Variants in SGCZ observed in about 807,000 individuals in gnomAD.
SGCZ encodes the protein sarcoglycan zeta.
A neutral mutation model predicts 41.3 loss-of-function variants in SGCZ; 40 were observed. That is an observed-to-expected ratio of 0.97 (90% confidence interval 0.75 to 1.26). The LOEUF is 1.26. Ranked by LOEUF, SGCZ falls within the 50% of genes most tolerant of loss-of-function variation. The pLI is 0.00. For synonymous variants in SGCZ, 206 were observed against 137.5 expected, an observed-to-expected ratio of 1.50 and a Z score of -3.49; for missense variants, 552 against 369.8, an observed-to-expected ratio of 1.49 and a Z score of -4.04.
At chr8:14,316,954 C>T (rs887326127) in intron 3 of SGCZ, among the ~76,000 whole-genome samples, 2 of 151,842 alleles carry the variant, frequency 1.3e-5, no homozygotes, top group Non-Finnish European at 2.9e-5. Flanking sequence ...CTAACCTACC[C>T]CCACCCCTAC....
chr8:14,806,511 C>T (rs561435860), intron 1 of SGCZ, among the ~76,000 whole-genome samples: 1 of 152,168 alleles, frequency 6.6e-6, no homozygotes. Context: ...GACACATACA[C>T]TTTCCCAAGA....
chr8:14,231,924 C>G (rs1010808165), intron 4 of SGCZ, among the ~76,000 whole-genome samples: 4 of 151,840 alleles, frequency 2.6e-5, no homozygotes, highest in African/African-American at 4.8e-5. Flanking sequence ...GATAGAGATG[C>G]CTTCTTATGA....
chr8:14,378,342 G>T (rs182075294), intron 2 of SGCZ, among the ~76,000 whole-genome samples: 1 of 152,014 alleles, frequency 6.6e-6, no homozygotes, highest in African/African-American at 2.4e-5. Context: ...GAAAACCTAG[G>T]CAATACCATT....
chr8:14,383,047 C>T (rs1476274234), intron 2 of SGCZ, among the ~76,000 whole-genome samples: 1 of 152,154 alleles, frequency 6.6e-6, no homozygotes, highest in Non-Finnish European at 1.5e-5. Flanking sequence ...AGAGATACAG[C>T]TCATGTTTTG....
intron 5 of SGCZ, among the ~76,000 whole-genome samples, chr8:14,127,613 A>C (rs750565767): frequency 2.0e-5 from 3 of 151,668 alleles, no homozygotes; most frequent in Admixed American, 6.6e-5. Flanking sequence ...CCACTACCAC[A>C]CCAGGCTAAT....
intron 1 of SGCZ, among the ~76,000 whole-genome samples, chr8:15,028,895 G>T (rs1160901184): frequency 1.3e-5 from 2 of 151,996 alleles, no homozygotes; most frequent in African/African-American, 4.8e-5. Context: ...ATATATTCAA[G>T]ATAATTTAAA....
At chr8:14,094,139 T>A (rs1009261496) in intron 7 of SGCZ, among the ~76,000 whole-genome samples, 4 of 152,126 alleles carry the variant, frequency 2.6e-5, no homozygotes, top group Admixed American at 2.0e-4. Flanking sequence ...AACCCTTTTT[T>A]TAAAAAGATT....
chr8:14,888,021 G>C (rs866145825), intron 1 of SGCZ, among the ~76,000 whole-genome samples: 25 of 152,110 alleles, frequency 1.6e-4, no homozygotes, highest in Admixed American at 1.3e-4. Context: ...GTGTTGATTA[G>C]CTTAATTCAG....
chr8:14,859,488 A>G (rs1443031404), intron 1 of SGCZ, among the ~76,000 whole-genome samples: 1 of 152,042 alleles, frequency 6.6e-6, no homozygotes, highest in African/African-American at 2.4e-5. Flanking sequence ...GACACATTGG[A>G]CTCTTCTTTG....
chr8:14,424,894 A>G (rs901645606), intron 2 of SGCZ, among the ~76,000 whole-genome samples: 3 of 152,198 alleles, frequency 2.0e-5, no homozygotes, highest in Non-Finnish European at 4.4e-5. Flanking sequence ...CAATTTTAGT[A>G]TTAATATGTA....
intron 4 of SGCZ, among the ~76,000 whole-genome samples, chr8:14,228,553 G>C (rs1806453138): frequency 6.6e-6 from 1 of 152,006 alleles, no homozygotes; most frequent in Admixed American, 6.6e-5. Context: ...TCTGCTTAGT[G>C]ATTTCTGCAG....
intron 2 of SGCZ, among the ~76,000 whole-genome samples, chr8:14,363,828 A>G (rs1330093036): frequency 2.6e-5 from 4 of 152,154 alleles, no homozygotes; most frequent in African/African-American, 9.6e-5. Flanking sequence ...CATAAATCAC[A>G]TTTTTCCAAC....
chr8:14,087,267 G>C lies in SGCZ; in HGVS notation c.*3176C>G, dbSNP rs756942696. 2.0e-5 allele frequency among the ~76,000 whole-genome samples: 3 copies of C among 150,892 alleles called. No individual in the cohort carries two copies. Among genetic ancestry groups the C allele is most frequent in the Non-Finnish European group, 4.5e-5 (3 of 67,390 alleles). On this transcript the variant is annotated 3_prime_UTR_variant, in exon 8 of 8. Transcript: ENST00000382080. ...TAGAAATTTTGGAAATGTTGAACAAGGGAAGTAGGAAATTTGGAAGTTTTT... is the reference window on the plus strand; with the variant it reads ...TAGAAATTTTGGAAATGTTGAACAACGGAAGTAGGAAATTTGGAAGTTTTT...
intron 1 of SGCZ, among the ~76,000 whole-genome samples, chr8:14,865,517 T>C (rs1366352751): frequency 6.6e-6 from 1 of 152,090 alleles, no homozygotes; most frequent in East Asian, 1.9e-4. Context: ...TGAGGTCACC[T>C]GAAGGAAGCG....
chr8:14,106,523 TG>T (rs1802208533), intron 6 of SGCZ, among the ~76,000 whole-genome samples: 4 of 152,302 alleles, frequency 2.6e-5, no homozygotes, highest in African/African-American at 9.6e-5. Flanking sequence ...AGTGAGAAAC[TG>T]AGTTGTTTAG....
intron 1 of SGCZ, among the ~76,000 whole-genome samples, chr8:14,567,519 A>C (rs1242282766): frequency 2.0e-5 from 3 of 152,120 alleles, no homozygotes; most frequent in African/African-American, 4.8e-5. Context: ...CACCTTGTCA[A>C]AACAAACCAA....
At chr8:14,125,581 T>C (rs1185765735) in intron 5 of SGCZ, among the ~76,000 whole-genome samples, 1 of 151,758 alleles carries the variant, frequency 6.6e-6, no homozygotes, top group East Asian at 1.9e-4. Flanking sequence ...TTTAATGCTA[T>C]TTCCATCAAA....
At chr8:14,231,073 T>C (rs558183587) in intron 4 of SGCZ, among the ~76,000 whole-genome samples, 2 of 152,032 alleles carry the variant, frequency 1.3e-5, no homozygotes, top group East Asian at 1.9e-4. Flanking sequence ...TCAGCCTATG[T>C]GTATGGACTG....
chr8:14,272,852 G>A (rs1418280931), intron 3 of SGCZ, among the ~76,000 whole-genome samples: 1 of 152,110 alleles, frequency 6.6e-6, no homozygotes, highest in African/African-American at 2.4e-5. Flanking sequence ...ATCTTGAACT[G>A]TAACTGTAGG....
Sources: allele counts gnomAD v4.1 joint callset (sites outside exome capture counted in the v4.1 genomes callset), GRCh38; gene constraint gnomAD v4.1.1; transcripts MANE v1.5; gene names NCBI Gene and HGNC (gene_info 2026-07-23, HGNC 2026-07-21).